GRIA3: variants seen among roughly 807,000 people sequenced by gnomAD.
GRIA3 encodes the protein glutamate receptor 3.
In GRIA3, 3 loss-of-function variants were observed where a neutral mutation model predicts 63.0. The observed-to-expected ratio is 0.05, with a 90% CI of 0.02 to 0.12. The LOEUF (loss-of-function observed/expected upper bound fraction) is 0.12, where lower values mean the gene tolerates loss of function less well. GRIA3 is among the 10% of genes least tolerant of loss of function. The pLI is 1.00. For synonymous variants in GRIA3, 274 were observed against 257.9 expected (o/e 1.06, Z -0.60); for missense variants, 347 against 700.9 (o/e 0.50, Z 5.70).
intron 12 of GRIA3, among the ~76,000 whole-genome samples, chrX:123,442,403 C>T (rs758167863): frequency 5.4e-5 from 6 of 111,863 alleles, no homozygotes; most frequent in East Asian, 5.6e-4. Context: ...TGGACTGTTC[C>T]GTGGGGCCCC....
At position 123,184,326 on chromosome X, in the gene GRIA3, G is replaced by C. The variant is rs1017025846; in HGVS notation, c.-210G>C. 2 of 447,675 alleles carry C rather than the reference G, an allele frequency of 4.5e-6. No homozygotes were observed. The highest frequency in any genetic ancestry group is 7.9e-6 in the Non-Finnish European group (2 of 254,348). The allele number at this position is 447,675 out of a possible 1,213,427, so 36.9% of individuals were successfully genotyped here. On this transcript the variant is annotated 5_prime_UTR_variant, in exon 1 of 16. Coordinates refer to ENST00000620443, the MANE Select transcript of GRIA3 (RefSeq NM_007325.5). ...AGAGAGAGCGAGCGAATAAGAGAGA[G>C]AGTAAGAGGGAGAGAGAAGAAGAGG...
intron 12 of GRIA3, among the ~76,000 whole-genome samples, chrX:123,463,373 C>T (rs1034463538): frequency 1.0e-4 from 11 of 107,096 alleles, no homozygotes; most frequent in Non-Finnish European, 2.1e-4. Context: ...CATAGTGAGA[C>T]CTCGTCTCTA....
intron 12 of GRIA3, among the ~76,000 whole-genome samples, chrX:123,440,656 T>C (rs915122185): frequency 8.9e-6 from 1 of 112,901 alleles, no homozygotes; most frequent in African/African-American, 3.2e-5. Context: ...TTTTCTCTTA[T>C]AAATTTGTTT....
chrX:123,360,465 G>T (rs996690489), intron 5 of GRIA3, among the ~76,000 whole-genome samples: 27 of 98,917 alleles, frequency 2.7e-4, no homozygotes, highest in African/African-American at 9.4e-4. Context: ...GGTGGATCAC[G>T]AGGTCAGCAG....
At chrX:123,225,333 C>A (rs146674151) in intron 2 of GRIA3, among the ~76,000 whole-genome samples, 1,632 of 112,067 alleles carry the variant, frequency 0.015, 33 homozygotes, top group African/African-American at 0.05. Flanking sequence ...TGGTCTTGCA[C>A]GGAGCGAGTA....
At chrX:123,214,135 G>A (rs1288196180) in intron 2 of GRIA3, among the ~76,000 whole-genome samples, 1 of 112,429 alleles carries the variant, frequency 8.9e-6, no homozygotes, top group Non-Finnish European at 1.9e-5. Flanking sequence ...ACTACACAAA[G>A]CAATGAAAGT....
intron 4 of GRIA3, among the ~76,000 whole-genome samples, chrX:123,332,548 G>A (rs776369895): frequency 1.8e-5 from 2 of 111,152 alleles, no homozygotes; most frequent in East Asian, 5.6e-4. Flanking sequence ...TTGACACCAG[G>A]TACTGTTAAT....
chrX:123,304,666 C>A lies in GRIA3; in HGVS notation c.509-21360C>A, dbSNP rs765701063. Reference sequence around the variant, plus strand: ...CCTTTGATGACCACCTTCAAGAGGGCTAATAAGGACAACTCCCATGTAAGA... The same window carrying A: ...CCTTTGATGACCACCTTCAAGAGGGATAATAAGGACAACTCCCATGTAAGA... On this transcript the variant is annotated intron_variant, in intron 3 of 15. Coordinates refer to ENST00000620443, the MANE Select transcript of GRIA3 (RefSeq NM_007325.5). Among the ~76,000 whole-genome samples, 5 of 111,498 alleles carry A rather than the reference C, an allele frequency of 4.5e-5. No individual in the cohort carries two copies. The East Asian group carries it at 1.1e-3, about 25-fold the overall frequency.
chrX:123,382,045 C>G (rs191511114), intron 5 of GRIA3, among the ~76,000 whole-genome samples: 2 of 112,288 alleles, frequency 1.8e-5, no homozygotes, highest in Admixed American at 9.4e-5. Flanking sequence ...GAGTGACAAA[C>G]AAGTCATAGA....
At chrX:123,221,503 G>C (rs1215003698) in intron 2 of GRIA3, among the ~76,000 whole-genome samples, 1 of 111,967 alleles carries the variant, frequency 8.9e-6, no homozygotes, top group East Asian at 2.8e-4. Context: ...AGAAAGGAAG[G>C]CTGATTTATA....
intron 2 of GRIA3, among the ~76,000 whole-genome samples, chrX:123,236,819 G>A (rs976442408): frequency 9.0e-6 from 1 of 111,705 alleles, no homozygotes. Context: ...TCATCAGCTC[G>A]CTAAATGCTT....
chrX:123,480,117 G>A lies in GRIA3; in HGVS notation c.2379G>A (p.Lys793=). The change falls in exon 14 of 16, where the codon AAG becomes AAA. Residue 793 remains lysine (K), a synonymous_variant. Transcript: ENST00000620443. ...LKLSEQGILD[K]LKNKWWYDKG... ...TCAGTGAACAAGGCATCTTAGACAA[G>A]CTGAAAAACAAATGGTGGTACGATA... 1 of 1,208,913 alleles carries A rather than the reference G, an allele frequency of 8.3e-7. No individual in the cohort carries two copies. Among genetic ancestry groups the A allele is most frequent in the Non-Finnish European group, 1.1e-6 (1 of 892,875 alleles).
chrX:123,288,896 T>C (rs1236553111), intron 3 of GRIA3, among the ~76,000 whole-genome samples: 1 of 112,044 alleles, frequency 8.9e-6, no homozygotes, highest in Non-Finnish European at 1.9e-5. Flanking sequence ...AAATACCATT[T>C]GACCCAGCAA....
intron 4 of GRIA3, among the ~76,000 whole-genome samples, chrX:123,345,768 G>A (rs2045045013): frequency 9.1e-6 from 1 of 110,429 alleles, no homozygotes; most frequent in African/African-American, 3.3e-5. Flanking sequence ...GCCTTTCCAC[G>A]GCCCCCATCC....
chrX:123,413,003 T>G (rs948265745), intron 10 of GRIA3, among the ~76,000 whole-genome samples: 3 of 112,065 alleles, frequency 2.7e-5, no homozygotes, highest in Non-Finnish European at 5.6e-5. Context: ...TCCTGTTGTC[T>G]TTTGTGATTT....
At chrX:123,483,653 C>A (rs2045924529) in intron 15 of GRIA3, among the ~76,000 whole-genome samples, 2 of 112,370 alleles carry the variant, frequency 1.8e-5, no homozygotes, top group Admixed American at 1.9e-4. Context: ...AAATTAGGGG[C>A]CGGGCACGGT....
rs768846856 is a variant in GRIA3, at chrX:123,227,935, G to A, written c.269-25368G>A. On this transcript the variant is annotated intron_variant, in intron 2 of 15. Coordinates refer to ENST00000620443, the MANE Select transcript of GRIA3 (RefSeq NM_007325.5). ...CCAATGAGTAAGAGGTAAAGACCTA[G>A]GGTGTGAGGAAGGACTTGCATTCAA... is the stretch of plus-strand genomic sequence containing the variant. Among the ~76,000 whole-genome samples, 103 of 112,122 alleles carry A rather than the reference G, an allele frequency of 9.2e-4. 1 individual carries two copies. The highest frequency in any genetic ancestry group is 3.0e-3 in the African/African-American group (92 of 30,878).
intron 5 of GRIA3, among the ~76,000 whole-genome samples, chrX:123,378,442 ACT>A (rs1569427471): frequency 3.0e-5 from 3 of 99,670 alleles, no homozygotes; most frequent in African/African-American, 1.1e-4. Context: ...ACACAGTCTC[ACT>A]CTGTCACCCA....
intron 13 of GRIA3, among the ~76,000 whole-genome samples, chrX:123,478,695 A>ACAC (rs2045898003): frequency 8.9e-6 from 1 of 112,331 alleles, no homozygotes; most frequent in African/African-American, 3.2e-5. Flanking sequence ...GTGACTGGAT[A>ACAC]TGTTAGTGGG....
Sources: gnomAD v4.1 joint callset for allele counts (sites outside exome capture counted in the v4.1 genomes callset) on GRCh38, gnomAD v4.1.1 for gene constraint, MANE v1.5 for transcripts, NCBI Gene and HGNC (gene_info 2026-07-23, HGNC 2026-07-21) for gene names.